CCT2: variants seen among roughly 807,000 people sequenced by gnomAD.
CCT2 encodes the protein T-complex protein 1 subunit beta.
In CCT2, 18 loss-of-function variants were observed where a neutral mutation model predicts 61.8. The observed-to-expected ratio is 0.29, with a 90% confidence interval of 0.20 to 0.43. The LOEUF (loss-of-function observed/expected upper bound fraction) is 0.43. CCT2 is among the 20% of genes least tolerant of loss of function. CCT2 has a pLI of 1.00. For synonymous variants in CCT2, 248 were observed against 215.9 expected (o/e 1.15, Z -1.30); for missense variants, 556 against 656.9 (o/e 0.85, Z 1.68).
chr12:69,588,326 A>G (rs1593095215), intron 6 of CCT2, 64 bp downstream of exon 6: 8 of 1,146,568 alleles, frequency 7.0e-6, no homozygotes, highest in South Asian at 1.3e-5. Flanking sequence ...GCTTAATGCA[A>G]GAAATCTATA....
At chr12:69,596,948 A>G (rs1477151467) in intron 10 of CCT2, among the ~76,000 whole-genome samples, 1 of 152,206 alleles carries the variant, frequency 6.6e-6, no homozygotes, top group Non-Finnish European at 1.5e-5. Flanking sequence ...AAAATGGGAT[A>G]ATAATGGAGC....
At chr12:69,596,041 C>G (rs1881979391) in intron 10 of CCT2, among the ~76,000 whole-genome samples, 1 of 152,120 alleles carries the variant, frequency 6.6e-6, no homozygotes, top group Non-Finnish European at 1.5e-5. Flanking sequence ...TCATTGCGCT[C>G]CAGTCTAGGC....
At chr12:69,590,562 A>G (rs543633613) in intron 7 of CCT2, among the ~76,000 whole-genome samples, 1 of 152,184 alleles carries the variant, frequency 6.6e-6, no homozygotes, top group Non-Finnish European at 1.5e-5. Context: ...GAGAAGGAAA[A>G]AAAAAGAATT....
chr12:69,585,766 C>G (rs1278400549), intron 1 of CCT2: 11 of 1,412,476 alleles, frequency 7.8e-6, no homozygotes, highest in East Asian at 2.6e-5. Flanking sequence ...TGCATAGTCC[C>G]GGCAGCCCAG....
At position 69,599,982 on chromosome 12, in the gene CCT2, A is replaced by C. The variant is rs144551333; in HGVS notation, c.1555A>C (p.Asn519His). The C allele has an allele frequency of 6.2e-7, 1 of 1,612,510 alleles. No homozygotes were observed. The highest frequency in any genetic ancestry group is 8.5e-7 in the Non-Finnish European group (1 of 1,179,296). The change falls in exon 15 of 16, where the codon AAC (asparagine) becomes CAC (histidine). Residue 519 changes from asparagine to histidine, a missense_variant. Around this residue, in one of 3 missense-constraint regions of CCT2, gnomAD observed 225 missense variants for 249.8 expected, o/e 0.90. Coordinates refer to ENST00000299300, the MANE Select transcript of CCT2 (RefSeq NM_006431.3). ...AGCAGAGGTGATTCTGCGTGTGGACAACATCATCAAAGCGGCACCCAGGTA... is the reference window on the plus strand; with the variant it reads ...AGCAGAGGTGATTCTGCGTGTGGACCACATCATCAAAGCGGCACCCAGGTA... ...EAAEVILRVD[N>H]IIKAAPRKRV...
intron 1 of CCT2, 151 bp downstream of exon 1, chr12:69,585,675 C>G (rs966843971): frequency 6.6e-7 from 1 of 1,519,262 alleles, no homozygotes; most frequent in Non-Finnish European, 8.8e-7. Context: ...GGCGTGCGGC[C>G]TGCGCCAGGC....
chr12:69,591,646 T>G (rs1328484109), intron 7 of CCT2, among the ~76,000 whole-genome samples: 1 of 152,252 alleles, frequency 6.6e-6, no homozygotes, highest in African/African-American at 2.4e-5. Flanking sequence ...TGTACTGTGC[T>G]CTTATATTTT....
intron 15 of CCT2, 91 bp from the exon 16 acceptor site, chr12:69,601,204 A>G: frequency 9.6e-7 from 1 of 1,041,984 alleles, no homozygotes; most frequent in Non-Finnish European, 1.4e-6. Context: ...GTTTTAATAC[A>G]GGATTCTAGT....
chr12:69,601,504 A>G lies in CCT2; in HGVS notation c.*179A>G, dbSNP rs936349510. 13 of 1,454,994 alleles carry G rather than the reference A, an allele frequency of 8.9e-6. No homozygotes were observed. Among genetic ancestry groups the G allele is most frequent in the Admixed American group, 2.9e-5 (1 of 34,740 alleles). The allele number at this position is 1,454,994 out of a possible 1,614,324, so 90.1% of individuals were successfully genotyped here. A position where few individuals can be genotyped will look rare whatever the true frequency, so the allele number is the denominator to read the frequency against. ...ATTTATTTGCCGTGTCATTTTCCAT[A>G]CAAATCAGTTGATTTAAAAAAGTTC... On this transcript the variant is annotated 3_prime_UTR_variant, in exon 16 of 16. Coordinates refer to ENST00000299300, the MANE Select transcript of CCT2 (RefSeq NM_006431.3).
At chr12:69,589,261 G>A (rs1881762191) in intron 6 of CCT2, 2 of 524,858 alleles carry the variant, frequency 3.8e-6, no homozygotes, top group African/African-American at 2.5e-5. Flanking sequence ...ACTTTTGCAT[G>A]CTTGTGTGGC....
intron 10 of CCT2, among the ~76,000 whole-genome samples, chr12:69,594,437 A>G (rs1881929004): frequency 6.6e-6 from 1 of 152,236 alleles, no homozygotes; most frequent in Non-Finnish European, 1.5e-5. Context: ...ACGTGAAACA[A>G]TCAACATTGT....
At chr12:69,596,527 T>C (rs1881998246) in intron 10 of CCT2, among the ~76,000 whole-genome samples, 1 of 152,238 alleles carries the variant, frequency 6.6e-6, no homozygotes. Flanking sequence ...ACATAAGGAC[T>C]AAATTAATTT....
intron 10 of CCT2, among the ~76,000 whole-genome samples, chr12:69,596,148 A>G (rs1400384012): frequency 6.6e-6 from 1 of 152,244 alleles, no homozygotes; most frequent in African/African-American, 2.4e-5. Flanking sequence ...TTATTTTTGG[A>G]TATGACGTCC....
At chr12:69,588,343 T>G in intron 6 of CCT2, 81 bp downstream of exon 6, 1 of 1,010,678 alleles carries the variant, frequency 9.9e-7, no homozygotes. Context: ...TATAGGACAC[T>G]GAAAAGCATA....
Position 69,601,344 on chromosome 12 carries a change from G to C in CCT2, c.*19G>C. The C allele has an allele frequency of 6.2e-7, 1 of 1,613,694 alleles. No homozygotes were observed. Among genetic ancestry groups the C allele is most frequent in the Non-Finnish European group, 8.5e-7 (1 of 1,179,838 alleles). On this transcript the variant is annotated 3_prime_UTR_variant, in exon 16 of 16. Transcript: ENST00000299300. The stretch of plus-strand genomic sequence containing the variant: ...CTGTTAAGCATTCCCACGTGCTGTC[G>C]ATCTTTGGACCAGTTTCTAGCAAAG...
In CCT2 at chr12:69,593,626, G is replaced by T; in HGVS notation, c.982+13G>T. On this transcript the variant is annotated intron_variant, in intron 10 of 15. Transcript: ENST00000299300. ...GCTCTTGTCACAGGTATGGAAAAAAGGTATTGTTTTCTAACAAACACAATA... is the reference window on the plus strand; with the variant it reads ...GCTCTTGTCACAGGTATGGAAAAAATGTATTGTTTTCTAACAAACACAATA... 2 of 1,522,548 alleles carry T rather than the reference G, an allele frequency of 1.3e-6. No homozygotes were observed. Among genetic ancestry groups the T allele is most frequent in the African/African-American group, 1.4e-5 (1 of 72,990 alleles). The allele number at this position is 1,522,548 out of a possible 1,614,324, so 94.3% of individuals were successfully genotyped here.
Position 69,601,389 on chromosome 12 carries a change from T to A in CCT2, c.*64T>A. 6.2e-7 allele frequency: 1 copy of A among 1,613,636 alleles called. No individual in the cohort carries two copies. Among genetic ancestry groups the A allele is most frequent in the Non-Finnish European group, 8.5e-7 (1 of 1,179,738 alleles). ...GCAAAGTTGTGTTTGAAAGATACTC[T>A]ATTAAAGAAGACTGTGGAATCTGTT... On this transcript the variant is annotated 3_prime_UTR_variant, in exon 16 of 16. Transcript: ENST00000299300.
chr12:69,590,525 G>T (rs1881803617), intron 7 of CCT2, among the ~76,000 whole-genome samples: 5 of 151,842 alleles, frequency 3.3e-5, no homozygotes, highest in Admixed American at 6.6e-5. Flanking sequence ...AAAATGGCCT[G>T]TCAAAAAGTA....
chr12:69,593,075 A>G lies in CCT2; in HGVS notation c.850A>G (p.Lys284Glu). 6.2e-7 allele frequency: 1 copy of G among 1,613,614 alleles called. No homozygotes were observed. The highest frequency in any genetic ancestry group is 8.5e-7 in the Non-Finnish European group (1 of 1,179,544). ...KMKEKVERIL[K>E]HGINCFINRQ... ...GAAGGAGAAAGTTGAACGTATTCTT[A>G]AGCATGGAATAAATTGCTTTATTAA... The change falls in exon 9 of 16, where the codon AAG (lysine) becomes GAG (glutamate). Residue 284 changes from lysine to glutamate, a missense_variant. Lys to Glu is a moderately conservative substitution (Grantham distance 56). Coordinates refer to ENST00000299300, the MANE Select transcript of CCT2 (RefSeq NM_006431.3).
Sources: gnomAD v4.1 joint callset for allele counts (sites outside exome capture counted in the v4.1 genomes callset) on GRCh38, gnomAD v4.1.1 for gene constraint, gnomAD v4.1.1 regional missense constraint, MANE v1.5 for transcripts, NCBI Gene and HGNC (gene_info 2026-07-23, HGNC 2026-07-21) for gene names.